TARS2: variants seen among roughly 807,000 people sequenced by gnomAD.
TARS2 encodes the protein threonine--tRNA ligase, mitochondrial.
TARS2 carries 61 observed loss-of-function variants against 94.4 expected under a neutral mutation model. That is an observed-to-expected ratio of 0.65 (90% CI 0.53 to 0.80). The LOEUF (loss-of-function observed/expected upper bound fraction) is 0.80. TARS2 is among the 30% of genes least tolerant of loss of function. The pLI, the probability that TARS2 is intolerant of heterozygous loss-of-function variation, is 0.00. For missense variants in TARS2, 704 were observed against 902.5 expected, an observed-to-expected ratio of 0.78 and a Z score of 2.82; for synonymous variants, 359 against 353.4, an observed-to-expected ratio of 1.02 and a Z score of -0.18.
rs767981960 is a variant in TARS2 at position 150,499,241 on chromosome 1, T to A, written c.1565T>A (p.Phe522Tyr). Residue 522 changes from phenylalanine to tyrosine, a missense_variant, in exon 13 of 18, where the codon TTT becomes TAT. Physicochemically the swap from Phe to Tyr is conservative, Grantham distance 22. Around this residue, in one of 3 missense-constraint regions of TARS2, gnomAD observed 466 missense variants for 609.5 expected, o/e 0.76. Coordinates refer to ENST00000369064, the MANE Select transcript of TARS2 (RefSeq NM_025150.5). ...EQVLKQALKE[F>Y]GEPWDLNSGD... ...GTCCTTAAACAGGCCCTGAAGGAAT[T>A]TGGAGAACCCTGGGACCTCAACTCT... 12 of 1,614,140 alleles carry A rather than the reference T, an allele frequency of 7.4e-6. No individual in the cohort carries two copies. In the South Asian group the frequency reaches 1.3e-4, roughly 18 times the overall value.
chr1:150,487,710 C>T (rs1462863839), intron 1 of TARS2, 148 bp from the exon 2 acceptor site: 4 of 1,267,774 alleles, frequency 3.2e-6, no homozygotes, highest in Middle Eastern at 2.8e-4. Context: ...CTCGAAGGAC[C>T]CCCAGCCTAG....
chr1:150,488,279 TC>T (rs1669238014), intron 2 of TARS2: 1 of 478,634 alleles, frequency 2.1e-6, no homozygotes, highest in Non-Finnish European at 3.7e-6. Context: ...AAGCGATCCT[TC>T]CATCTCAGCC....
rs1254468357 is a variant in TARS2, at chr1:150,506,937, G to A, written c.2030G>A (p.Ser677Asn). The A allele has an allele frequency of 5.6e-6, 9 of 1,613,996 alleles. No individual in the cohort carries two copies. Among genetic ancestry groups the A allele is most frequent in the Non-Finnish European group, 6.8e-6 (8 of 1,180,036 alleles). The change falls in exon 18 of 18, where the codon AGT becomes AAT. Residue 677 changes from serine (S) to asparagine (N), a missense_variant. Coordinates refer to ENST00000369064, the MANE Select transcript of TARS2 (RefSeq NM_025150.5). ...FQFVVGQKEQSKRTVNIRTRD... is the reference protein window; with the variant it reads ...FQFVVGQKEQNKRTVNIRTRD... Reference sequence around the variant, plus strand: ...GCAGTGGTTGGCCAGAAAGAGCAAAGTAAGAGAACAGTGAACATTCGGACT... The same window carrying A: ...GCAGTGGTTGGCCAGAAAGAGCAAAATAAGAGAACAGTGAACATTCGGACT...
At chr1:150,495,564 T>G (rs912932615) in intron 7 of TARS2, among the ~76,000 whole-genome samples, 1 of 150,260 alleles carries the variant, frequency 6.7e-6, no homozygotes, top group African/African-American at 2.4e-5. Context: ...CCTGGCTAAT[T>G]TTTGTATTTT....
intron 10 of TARS2, among the ~76,000 whole-genome samples, chr1:150,498,092 CA>C (rs375222621): frequency 0.023 from 1,611 of 70,794 alleles, 14 homozygotes; most frequent in Middle Eastern, 0.048. Flanking sequence ...GACTCCATCT[CA>C]AAAAAAAAAA....
At chr1:150,506,573 TGACA>T (rs773845453) in intron 17 of TARS2, among the ~76,000 whole-genome samples, 23 of 96,856 alleles carry the variant, frequency 2.4e-4, no homozygotes, top group African/African-American at 1.0e-3. Context: ...CTAATGTCTC[TGACA>T]CACACACACA....
intron 7 of TARS2, among the ~76,000 whole-genome samples, chr1:150,494,069 A>T (rs587595877): frequency 6.6e-6 from 1 of 152,220 alleles, no homozygotes; most frequent in South Asian, 2.1e-4. Flanking sequence ...CACCTCATAA[A>T]GATAATGAAA....
rs10581752 is a variant in TARS2, at chr1:150,506,486, G to GCACACACA, written c.2009-407_2009-400dup. ...TAATACCCCCTTCAGACACGCGCGC[G>GCACACACA]CACACACACACACACACACACACAC... On this transcript the variant is annotated intron_variant, in intron 17 of 17. Transcript: ENST00000369064. Among the ~76,000 whole-genome samples, 60 of 123,780 alleles carry GCACACACA rather than the reference G, an allele frequency of 4.8e-4. 1 individual carries two copies. The highest frequency in any genetic ancestry group is 1.4e-3 in the African/African-American group (48 of 33,938). 81.2% of individuals were successfully genotyped at this position (123,780 alleles called of 152,430 possible).
intron 12 of TARS2, 89 bp from the exon 13 acceptor site, chr1:150,499,127 G>A (rs1203270037): frequency 6.2e-7 from 1 of 1,610,212 alleles, no homozygotes; most frequent in Non-Finnish European, 8.5e-7. Flanking sequence ...GAGGCATCTG[G>A]TGAGTGGGTC....
At chr1:150,503,677 ATATATGTG>A (rs1470884585) in intron 13 of TARS2, among the ~76,000 whole-genome samples, 1 of 148,982 alleles carries the variant, frequency 6.7e-6, no homozygotes, top group Non-Finnish European at 1.5e-5. Context: ...ATATGTGTGT[ATATATGTG>A]TATATATATG....
chr1:150,507,278 A>C lies in TARS2; in HGVS notation c.*214A>C, dbSNP rs1190466015. On this transcript the variant is annotated 3_prime_UTR_variant, in exon 18 of 18. Coordinates refer to ENST00000369064, the MANE Select transcript of TARS2 (RefSeq NM_025150.5). ...GTGAGGAGAATGAAACTACAAAAAA[A>C]AATAAATTGGGCCAGGCGCAGTGGC... 11 of 600,972 alleles carry C rather than the reference A, an allele frequency of 1.8e-5. No individual in the cohort carries two copies. The highest frequency in any genetic ancestry group is 5.5e-6 in the Non-Finnish European group (2 of 366,206). The allele number at this position is 600,972 out of a possible 1,614,324, so 37.2% of individuals were successfully genotyped here.
chr1:150,488,246 G>A, intron 2 of TARS2, 192 bp downstream of exon 2: 1 of 628,928 alleles, frequency 1.6e-6, no homozygotes, highest in Non-Finnish European at 2.6e-6. Flanking sequence ...TGTTGCCCAG[G>A]CTAGTCTTGA....
intron 16 of TARS2, 66 bp downstream of exon 16, chr1:150,505,044 G>T: frequency 6.6e-7 from 1 of 1,524,908 alleles, no homozygotes; most frequent in Non-Finnish European, 9.0e-7. Context: ...CCCTGCAGTG[G>T]GCAGGAAGAG....
Position 150,504,424 on chromosome 1 carries a change from C to G in TARS2, c.1707C>G (p.Leu569=). ...LDFQLPLRFD[L]QYKGQAGALE... is the part of the protein sequence containing the mutation. ...TCCAACTGCCCCTGAGATTTGACCT[C>G]CAGTATAAGGGGTATAAAACCTTGC... Residue 569 remains leucine, a synonymous_variant, in exon 14 of 18, where the codon CTC becomes CTG. Transcript: ENST00000369064. 2.5e-6 allele frequency: 4 copies of G among 1,614,028 alleles called. No homozygotes were observed. The highest frequency in any genetic ancestry group is 3.4e-6 in the Non-Finnish European group (4 of 1,179,986).
At chr1:150,500,003 T>C (rs1669840799) in intron 13 of TARS2, among the ~76,000 whole-genome samples, 1 of 148,284 alleles carries the variant, frequency 6.7e-6, no homozygotes, top group East Asian at 2.0e-4. Flanking sequence ...AGACCCTGTG[T>C]CTACCAAAAA....
Position 150,487,448 on chromosome 1 carries a change from A to G in TARS2, c.-3A>G, listed in dbSNP as rs2102469606. The G allele has an allele frequency of 6.2e-7, 1 of 1,614,202 alleles. No individual in the cohort carries two copies. The highest frequency in any genetic ancestry group is 1.6e-4 in the Middle Eastern group (1 of 6,062). The stretch of plus-strand genomic sequence containing the variant: ...GAGGATGTAGGCACTGGTGTGAAGG[A>G]ACATGGCCCTGTATCAGAGGTGGCG... On this transcript the variant is annotated 5_prime_UTR_variant, in exon 1 of 18. Transcript: ENST00000369064.
In TARS2 at chr1:150,488,070, T is replaced by C; in HGVS notation, c.263+16T>C. ...GGCAGATCAGGTAACAGGCCCATCCTGTAACTACCAGGATTATCCTTCTGC... is the reference window on the plus strand; with the variant it reads ...GGCAGATCAGGTAACAGGCCCATCCCGTAACTACCAGGATTATCCTTCTGC... On this transcript the variant is annotated intron_variant, in intron 2 of 17. Transcript: ENST00000369064. 9 of 1,611,926 alleles carry C rather than the reference T, an allele frequency of 5.6e-6. No individual in the cohort carries two copies. Among genetic ancestry groups the C allele is most frequent in the Non-Finnish European group, 7.6e-6 (9 of 1,178,806 alleles).
chr1:150,502,532 C>T (rs1669974085), intron 13 of TARS2, among the ~76,000 whole-genome samples: 1 of 151,990 alleles, frequency 6.6e-6, no homozygotes, highest in Non-Finnish European at 1.5e-5. Context: ...ATTACAGGCA[C>T]CCGCTACCAC....
chr1:150,498,798 C>T (rs1019674500), intron 11 of TARS2, 99 bp from the exon 12 acceptor site: 35 of 1,608,216 alleles, frequency 2.2e-5, no homozygotes, highest in Middle Eastern at 1.7e-4. Flanking sequence ...AGCTTGCTTC[C>T]GCTTCCTCTC....
Sources: allele counts gnomAD v4.1 joint callset (sites outside exome capture counted in the v4.1 genomes callset), GRCh38; gene constraint gnomAD v4.1.1; regional missense constraint gnomAD v4.1.1; transcripts MANE v1.5; gene names NCBI Gene and HGNC (gene_info 2026-07-23, HGNC 2026-07-21).